ATP9B: variants seen among roughly 807,000 people sequenced by gnomAD.
ATP9B encodes probable phospholipid-transporting ATPase IIB.
In ATP9B, 110 loss-of-function variants were observed where a neutral mutation model predicts 146.1. That is an observed-to-expected ratio of 0.75 (90% confidence interval 0.65 to 0.88). The LOEUF (loss-of-function observed/expected upper bound fraction) is 0.88. Ranked by LOEUF, ATP9B falls within the 40% of genes least tolerant of loss-of-function variation. The probability of loss-of-function intolerance (pLI) is 0.00; values close to 1 mark genes in which losing one functional copy is unlikely to be tolerated. For synonymous variants in ATP9B, 604 were observed against 569.7 expected (o/e 1.06, Z -0.86); for missense variants, 1,499 against 1,496.4 (o/e 1.00, Z -0.03).
At position 79,190,069 on chromosome 18, in the gene ATP9B, G is replaced by T. The variant is rs116920789; in HGVS notation, c.874-3114G>T. Among the ~76,000 whole-genome samples the T allele has an allele frequency of 7.2e-5, 11 of 152,180 alleles. No individual in the cohort carries two copies. In the South Asian group the frequency reaches 2.3e-3, roughly 32 times the overall value. On this transcript the variant is annotated intron_variant, in intron 8 of 29. Transcript: ENST00000426216. The stretch of plus-strand genomic sequence containing the variant: ...GCAGCAGCAGGAGGGGCTGCGACAC[G>T]ATTCCGGGAGCACAGTGTGTACTGC...
intron 3 of ATP9B, among the ~76,000 whole-genome samples, 198 bp from the exon 4 acceptor site, chr18:79,113,043 G>C (rs1321941175): frequency 6.6e-6 from 1 of 152,090 alleles, no homozygotes; most frequent in Non-Finnish European, 1.5e-5. Context: ...AATATATTTT[G>C]GGAGTAACCT....
intron 4 of ATP9B, among the ~76,000 whole-genome samples, chr18:79,122,790 GTTC>G (rs1465710752): frequency 6.6e-6 from 1 of 152,082 alleles, no homozygotes; most frequent in Admixed American, 6.5e-5. Flanking sequence ...TTATATTCAA[GTTC>G]TTCTTTGTCT....
At position 79,134,602 on chromosome 18, in the gene ATP9B, C is replaced by T. The variant is rs563688141; in HGVS notation, c.667+8227C>T. Among the ~76,000 whole-genome samples the T allele has an allele frequency of 2.6e-5, 4 of 152,336 alleles. No homozygotes were observed. The South Asian group carries it at 6.2e-4, about 24-fold the overall frequency. Reference sequence around the variant, plus strand: ...TGCCCTGTGAGATGGCACCAGTTTGCGTTTCCATTGTGCCAACAAATGTCC... The same window carrying T: ...TGCCCTGTGAGATGGCACCAGTTTGTGTTTCCATTGTGCCAACAAATGTCC... On this transcript the variant is annotated intron_variant, in intron 5 of 29. Transcript: ENST00000426216.
chr18:79,123,467 T>C (rs2094225124), intron 4 of ATP9B, among the ~76,000 whole-genome samples: 1 of 151,332 alleles, frequency 6.6e-6, no homozygotes. Context: ...ATGGCAGCAC[T>C]CTCCAAACTG....
Position 79,193,274 on chromosome 18 carries a change from C to T in ATP9B, c.954+11C>T, listed in dbSNP as rs780765591. The T allele has an allele frequency of 3.2e-6, 5 of 1,581,244 alleles. No individual in the cohort carries two copies. The African/African-American group carries it at 6.7e-5, about 21-fold the overall frequency. The stretch of plus-strand genomic sequence containing the variant: ...GGCACATTTACCAGGGTAAGTTAAA[C>T]CTGTTGTTCAATACAAATAGAGTTA... On this transcript the variant is annotated intron_variant, in intron 9 of 29. Transcript: ENST00000426216.
chr18:79,076,753 C>T (rs2072669157), intron 1 of ATP9B, among the ~76,000 whole-genome samples: 1 of 152,098 alleles, frequency 6.6e-6, no homozygotes, highest in African/African-American at 2.4e-5. Flanking sequence ...CTCTACTCTC[C>T]GTCCCTTCTT....
chr18:79,134,930 G>T (rs1398978268), intron 5 of ATP9B, among the ~76,000 whole-genome samples: 1 of 152,036 alleles, frequency 6.6e-6, no homozygotes, highest in African/African-American at 2.4e-5. Flanking sequence ...TTTTCATACA[G>T]TGTTTCTGGA....
At chr18:79,127,055 T>C (rs1050131157) in intron 5 of ATP9B, among the ~76,000 whole-genome samples, 3 of 152,218 alleles carry the variant, frequency 2.0e-5, no homozygotes, top group Admixed American at 6.5e-5. Context: ...TGGGTATTCA[T>C]AGTAACCCCA....
intron 1 of ATP9B, among the ~76,000 whole-genome samples, 177 bp downstream of exon 1, chr18:79,069,706 T>G (rs1480935187): frequency 2.6e-5 from 4 of 152,152 alleles, no homozygotes; most frequent in African/African-American, 9.7e-5. Flanking sequence ...CCGCCGGTGG[T>G]GAGGGCCGCG....
intron 9 of ATP9B, among the ~76,000 whole-genome samples, chr18:79,203,209 T>C (rs529356680): frequency 2.6e-4 from 39 of 151,698 alleles, no homozygotes; most frequent in African/African-American, 8.7e-4. Flanking sequence ...TGATGCATCA[T>C]GGAGGCAGTA....
intron 12 of ATP9B, chr18:79,254,245 T>C (rs2096057867): frequency 6.6e-6 from 1 of 152,276 alleles, no homozygotes; most frequent in Non-Finnish European, 1.5e-5. Flanking sequence ...TAAAACGGTA[T>C]AGAATGCTTA....
intron 11 of ATP9B, among the ~76,000 whole-genome samples, chr18:79,246,244 T>TGGAGGGCACCACCCTACTGACTGCGC (rs1476344365): frequency 8.4e-4 from 1 of 1,184 alleles, no homozygotes; most frequent in Admixed American, 9.6e-3. Context: ...CCTGACTGTG[T>TGGAGGGCACCACCCTACTGACTGCGC]GGAGGGCACC....
At chr18:79,120,860 T>C (rs2094176055) in intron 4 of ATP9B, among the ~76,000 whole-genome samples, 1 of 152,242 alleles carries the variant, frequency 6.6e-6, no homozygotes, top group South Asian at 2.1e-4. Flanking sequence ...TTCAGTCTTA[T>C]TTAAAAATCT....
chr18:79,219,942 G>A (rs995018008), intron 11 of ATP9B, among the ~76,000 whole-genome samples: 19 of 152,188 alleles, frequency 1.2e-4, no homozygotes, highest in Non-Finnish European at 2.2e-4. Context: ...TGTTGGCAAT[G>A]TGAAGGATCC....
chr18:79,134,733 A>G (rs2094427472), intron 5 of ATP9B, among the ~76,000 whole-genome samples: 1 of 151,978 alleles, frequency 6.6e-6, no homozygotes, highest in African/African-American at 2.4e-5. Context: ...CCTTATTACA[A>G]TTTTTCTACT....
chr18:79,373,139 AC>A (rs2097082265), intron 27 of ATP9B, among the ~76,000 whole-genome samples: 1 of 152,040 alleles, frequency 6.6e-6, no homozygotes, highest in Non-Finnish European at 1.5e-5. Context: ...ACAAGCACTT[AC>A]CACATTGTAT....
intron 12 of ATP9B, among the ~76,000 whole-genome samples, chr18:79,263,100 A>T (rs1178485907): frequency 6.6e-6 from 1 of 152,224 alleles, no homozygotes; most frequent in Non-Finnish European, 1.5e-5. Context: ...TTTTTAATAG[A>T]CATATATATT....
intron 15 of ATP9B, among the ~76,000 whole-genome samples, chr18:79,327,098 A>G (rs180835548): frequency 8.5e-5 from 13 of 152,362 alleles, no homozygotes; most frequent in Admixed American, 8.5e-4. Context: ...ACTCATCCTC[A>G]CAGGAATGTT....
intron 12 of ATP9B, among the ~76,000 whole-genome samples, chr18:79,262,082 G>A (rs1242583742): frequency 1.3e-5 from 2 of 151,994 alleles, no homozygotes; most frequent in Non-Finnish European, 2.9e-5. Flanking sequence ...CTGCAGCTCA[G>A]TCCTCAGCGT....
Sources: allele counts gnomAD v4.1 joint callset (sites outside exome capture counted in the v4.1 genomes callset), GRCh38; gene constraint gnomAD v4.1.1; transcripts MANE v1.5; gene names NCBI Gene and HGNC (gene_info 2026-07-23, HGNC 2026-07-21).